MYT1L: variants seen among roughly 807,000 people sequenced by gnomAD.
The protein encoded by MYT1L is myelin transcription factor 1-like protein.
In MYT1L, 12 loss-of-function variants were observed where a neutral mutation model predicts 126.7. That is an observed-to-expected ratio of 0.09 (90% CI 0.06 to 0.15). The LOEUF (loss-of-function observed/expected upper bound fraction) is 0.15, where lower values mean the gene tolerates loss of function less well. Among genes scored for constraint, MYT1L ranks in the 10% least tolerant of loss-of-function variants. The pLI, the probability that MYT1L is intolerant of heterozygous loss-of-function variation, is 1.00. For missense variants in MYT1L, 979 were observed against 1,585.2 expected (o/e 0.62, Z 6.49); for synonymous variants, 541 against 604.2 (o/e 0.90, Z 1.53).
intron 3 of MYT1L, among the ~76,000 whole-genome samples, chr2:2,104,183 G>A (rs1261690719): frequency 6.6e-6 from 1 of 152,194 alleles, no homozygotes; most frequent in Non-Finnish European, 1.5e-5. Context: ...TAGGCAGCTG[G>A]AAGAAATCAT....
chr2:2,295,665 GAGAGAGAGAGAGAGACAGAC>G (rs2095670749), intron 1 of MYT1L, among the ~76,000 whole-genome samples: 1 of 132,160 alleles, frequency 7.6e-6, no homozygotes, highest in African/African-American at 2.9e-5. Flanking sequence ...CAGACAGACA[GAGAGAGAGAGAGAGACAGAC>G]AGAGAGAGAG....
intron 18 of MYT1L, among the ~76,000 whole-genome samples, chr2:1,866,506 A>G (rs1431699835): frequency 8.0e-6 from 1 of 124,682 alleles, no homozygotes; most frequent in African/African-American, 3.1e-5. Context: ...GCAGGCAGAG[A>G]GAGAAGGGGA....
At chr2:1,878,192 C>T (rs12472983) in intron 18 of MYT1L, among the ~76,000 whole-genome samples, 24,024 of 152,116 alleles carry the variant, frequency 0.16, 2,152 homozygotes, top group East Asian at 0.3. Context: ...CCCCAGTGCT[C>T]GTCCCAAACA....
chr2:2,039,790 G>A (rs995219840), intron 4 of MYT1L, among the ~76,000 whole-genome samples: 10 of 152,154 alleles, frequency 6.6e-5, no homozygotes, highest in African/African-American at 2.4e-4. Context: ...TTTACTCAGC[G>A]GAGTGTGACT....
chr2:2,079,561 T>C (rs189126423), intron 3 of MYT1L, among the ~76,000 whole-genome samples: 5 of 152,190 alleles, frequency 3.3e-5, no homozygotes, highest in African/African-American at 9.6e-5. Context: ...ATCCCAGCAC[T>C]GTGGGAGGCC....
At chr2:2,241,486 T>C (rs907766304) in intron 2 of MYT1L, among the ~76,000 whole-genome samples, 1 of 152,202 alleles carries the variant, frequency 6.6e-6, no homozygotes, top group African/African-American at 2.4e-5. Context: ...CAGGAACTCA[T>C]TGCGGCCCTG....
intron 18 of MYT1L, among the ~76,000 whole-genome samples, chr2:1,868,768 T>C (rs1573032747): frequency 1.3e-5 from 2 of 151,822 alleles, no homozygotes; most frequent in East Asian, 3.9e-4. Context: ...GGCTCCCTCC[T>C]CCCCCCTCCT....
At chr2:2,165,338 A>G (rs988911268) in intron 3 of MYT1L, among the ~76,000 whole-genome samples, 1 of 148,384 alleles carries the variant, frequency 6.7e-6, no homozygotes, top group Admixed American at 6.7e-5. Context: ...ACATGCACAT[A>G]CACACACACA....
chr2:2,067,142 G>A (rs778780396), intron 3 of MYT1L, among the ~76,000 whole-genome samples: 9 of 152,144 alleles, frequency 5.9e-5, no homozygotes, highest in African/African-American at 2.2e-4. Context: ...GTAAAAAGGA[G>A]AATCAGGAAA....
chr2:1,948,211 C>T lies in MYT1L; in HGVS notation c.153-4877G>A, dbSNP rs538203851. Among the ~76,000 whole-genome samples, 20 of 152,334 alleles carry T rather than the reference C, an allele frequency of 1.3e-4. 1 individual carries two copies. The South Asian group carries it at 1.9e-3, about 14-fold the overall frequency. On this transcript the variant is annotated intron_variant, in intron 8 of 24. Transcript: ENST00000647738. ...ACATTTTGCAAGCTCTTGGATTCAG[C>T]GTAGCAACTTTTGGAATCATCTGGC...
At chr2:2,155,489 T>C (rs938911200) in intron 3 of MYT1L, among the ~76,000 whole-genome samples, 18 of 152,206 alleles carry the variant, frequency 1.2e-4, no homozygotes, top group Admixed American at 7.9e-4. Context: ...CTATGATGTA[T>C]GTCATCTCAT....
At chr2:1,844,899 G>T (rs1361704085) in intron 19 of MYT1L, among the ~76,000 whole-genome samples, 3 of 152,050 alleles carry the variant, frequency 2.0e-5, no homozygotes, top group African/African-American at 7.2e-5. Flanking sequence ...CTCCTTTCCT[G>T]GGCATTGGAG....
chr2:1,973,796 G>T (rs1369383090), intron 8 of MYT1L, among the ~76,000 whole-genome samples: 2 of 152,192 alleles, frequency 1.3e-5, no homozygotes, highest in Non-Finnish European at 2.9e-5. Context: ...CTGCTCAGGT[G>T]TCTGCATTAG....
chr2:2,119,105 G>A (rs2080616263), intron 3 of MYT1L, among the ~76,000 whole-genome samples: 1 of 152,330 alleles, frequency 6.6e-6, no homozygotes, highest in African/African-American at 2.4e-5. Context: ...GAAACCTTAC[G>A]CTACCTCTGA....
intron 3 of MYT1L, among the ~76,000 whole-genome samples, chr2:2,063,322 A>G (rs567514759): frequency 1.1e-4 from 16 of 152,144 alleles, no homozygotes; most frequent in African/African-American, 3.9e-4. Flanking sequence ...GGTCCTTTTT[A>G]TATTACAGGG....
At chr2:2,181,649 G>C (rs181993589) in intron 2 of MYT1L, among the ~76,000 whole-genome samples, 1 of 152,140 alleles carries the variant, frequency 6.6e-6, no homozygotes, top group South Asian at 2.1e-4. Flanking sequence ...ACGTGGAAGC[G>C]CTTTGTCTTC....
chr2:1,864,185 T>C lies in MYT1L; in HGVS notation c.2712-12482A>G, dbSNP rs536250716. On this transcript the variant is annotated intron_variant, in intron 18 of 24. Transcript: ENST00000647738. ...AATTCCAGGAGGCTTCCACGGCTCT[T>C]AGGGGACAGGATGCTCAGGGGAGGG... Among the ~76,000 whole-genome samples, 3 of 152,260 alleles carry C rather than the reference T, an allele frequency of 2.0e-5. No homozygotes were observed. In the East Asian group the frequency reaches 5.8e-4, roughly 29 times the overall value.
rs937765024 is a variant in MYT1L, at chr2:1,970,711, C to T, written c.152+8454G>A. On this transcript the variant is annotated intron_variant, in intron 8 of 24. Coordinates refer to ENST00000647738, the MANE Select transcript of MYT1L (RefSeq NM_001303052.2). ...AAGATCTCCATAGCGGCTGCCCTGC[C>T]TTTTCTAGAATCCCCACATGGATGA... Among the ~76,000 whole-genome samples the T allele has an allele frequency of 3.3e-5, 5 of 152,312 alleles. No individual in the cohort carries two copies. The East Asian group carries it at 7.7e-4, about 24-fold the overall frequency.
intron 2 of MYT1L, among the ~76,000 whole-genome samples, chr2:2,190,381 G>A (rs1266640537): frequency 6.7e-6 from 1 of 149,758 alleles, no homozygotes; most frequent in Non-Finnish European, 1.5e-5. Flanking sequence ...CTTGAGCCTG[G>A]GAGGTCGAGG....
Sources: allele counts gnomAD v4.1 joint callset (sites outside exome capture counted in the v4.1 genomes callset), GRCh38; gene constraint gnomAD v4.1.1; transcripts MANE v1.5; gene names NCBI Gene and HGNC (gene_info 2026-07-23, HGNC 2026-07-21).